Variants in ZNF534 observed in about 807,000 individuals in gnomAD.
ZNF534 encodes KRAB domain only 3.
ZNF534 carries 19 observed loss-of-function variants against 13.6 expected under a neutral mutation model. The observed-to-expected ratio is 1.40, with a 90% CI of 0.97 to 2.05. The LOEUF is 2.05. Among genes scored for constraint, ZNF534 ranks in the 30% most tolerant of loss-of-function variants. ZNF534 has a pLI of 0.00. For synonymous variants in ZNF534, 244 were observed against 273.8 expected, an observed-to-expected ratio of 0.89 and a Z score of 1.07; for missense variants, 782 against 796.3, an observed-to-expected ratio of 0.98 and a Z score of 0.22.
At chr19:52,445,197 A>ATT (rs3054888), downstream of ZNF534, among the ~76,000 whole-genome samples, 1,549 of 143,266 alleles carry the variant, frequency 0.011, 31 homozygotes, top group African/African-American at 0.038. Flanking sequence ...CACTCAGCTA[A>ATT]TTTTTTTTTT....
At chr19:52,430,150 G>A (rs1253824595) in intron 1 of ZNF534, among the ~76,000 whole-genome samples, 1 of 151,592 alleles carries the variant, frequency 6.6e-6, no homozygotes, top group African/African-American at 2.4e-5. Flanking sequence ...CGAGTAGCTG[G>A]GATTACAGGT....
chr19:52,438,867 C>T lies in ZNF534; in HGVS notation c.1407C>T (p.Asn469=), dbSNP rs370318398. 5.8e-5 allele frequency: 94 copies of T among 1,608,588 alleles called. No individual in the cohort carries two copies. In the African/African-American group the frequency reaches 6.6e-4, roughly 11 times the overall value. The change falls in exon 5 of 5, where the codon AAC becomes AAT. Residue 469 remains asparagine, a synonymous_variant. Coordinates refer to ENST00000433050, the MANE Select transcript of ZNF534 (RefSeq NM_001143938.3). Reference sequence around the variant, plus strand: ...CTGGAGAGAAGCCTTACAAATGTAACGAATGTGGCAAGGTCTTCAGTCAGA... The same window carrying T: ...CTGGAGAGAAGCCTTACAAATGTAATGAATGTGGCAAGGTCTTCAGTCAGA... ...IHTGEKPYKC[N]ECGKVFSQNS...
At position 52,438,182 on chromosome 19, in the gene ZNF534, C is replaced by T; in HGVS notation, c.722C>T (p.Pro241Leu). The change falls in exon 5 of 5, where the codon CCT (proline) becomes CTT (leucine). Residue 241 changes from proline to leucine, a missense_variant. Pro to Leu is a moderately conservative substitution (Grantham distance 98). Transcript: ENST00000433050. Reference protein sequence around the residue: ...QHQRIHTGEKPYKYNECGKVF... With the variant: ...QHQRIHTGEKLYKYNECGKVF... ...CAACGAATCCATACTGGAGAGAAGC[C>T]TTACAAATATAATGAATGTGGCAAA... is the stretch of plus-strand genomic sequence containing the variant. 2.5e-6 allele frequency: 4 copies of T among 1,613,394 alleles called. No individual in the cohort carries two copies. The South Asian group carries it at 4.4e-5, about 18-fold the overall frequency.
chr19:52,451,428 C>G (rs1568451050), exon 5 of ZNF534: 3 of 679,428 alleles, frequency 4.4e-6, no homozygotes, highest in Non-Finnish European at 7.9e-6. Flanking sequence ...CTCGGCCGCG[C>G]AGTGCGGCGC....
downstream of ZNF534, among the ~76,000 whole-genome samples, chr19:52,444,813 C>T (rs1423365962): frequency 2.0e-5 from 3 of 152,116 alleles, no homozygotes; most frequent in African/African-American, 4.8e-5. Context: ...CACCCAGCTC[C>T]TGTACAACCC....
At position 52,439,115 on chromosome 19, in the gene ZNF534, G is replaced by A; in HGVS notation, c.1655G>A (p.Cys552Tyr). The A allele has an allele frequency of 6.3e-7, 1 of 1,595,536 alleles. No homozygotes were observed. The highest frequency in any genetic ancestry group is 8.5e-7 in the Non-Finnish European group (1 of 1,170,416). The change falls in exon 5 of 5, where the codon TGT becomes TAT. Residue 552 changes from cysteine (C) to tyrosine (Y), a missense_variant. Cys to Tyr is a radical substitution (Grantham distance 194). Transcript: ENST00000433050. ...NVHTGEKPYS[C>Y]NECGKVFSRN... ...CATACTGGAGAAAAGCCTTACAGTT[G>A]TAATGAATGTGGCAAGGTCTTCAGT...
intron 2 of ZNF534, among the ~76,000 whole-genome samples, chr19:52,432,085 A>G (rs1027569609): frequency 6.6e-6 from 1 of 151,826 alleles, no homozygotes; most frequent in Non-Finnish European, 1.5e-5. Context: ...ATCAGTTGAA[A>G]TTACATCTAT....
chr19:52,435,463 C>T (rs557167888), intron 4 of ZNF534, among the ~76,000 whole-genome samples: 1 of 151,994 alleles, frequency 6.6e-6, no homozygotes, highest in African/African-American at 2.4e-5. Context: ...GTGGGAAAAC[C>T]AAAGCTGAAA....
chr19:52,451,980 T>G, exon 5 of ZNF534: 1 of 325,688 alleles, frequency 3.1e-6, no homozygotes, highest in Non-Finnish European at 6.2e-6. Context: ...AAGTCATACC[T>G]TTTTCTTAAA....
intron 3 of ZNF534, 152 bp downstream of exon 3, chr19:52,434,233 C>T (rs906836215): frequency 1.0e-5 from 12 of 1,166,730 alleles, no homozygotes; most frequent in African/African-American, 1.5e-5. Flanking sequence ...CAGTGGCTCA[C>T]GCCTGTAATC....
chr19:52,439,076 G>A lies in ZNF534; in HGVS notation c.1616G>A (p.Arg539Gln), dbSNP rs760232152. The change falls in exon 5 of 5, where the codon CGA becomes CAA. Residue 539 changes from arginine to glutamine, a missense_variant. Coordinates refer to ENST00000433050, the MANE Select transcript of ZNF534 (RefSeq NM_001143938.3). Reference sequence around the variant, plus strand: ...TTCCGTCGGAATTCACACCTTGTGCGACATAGGAATGTTCATACTGGAGAA... The same window carrying A: ...TTCCGTCGGAATTCACACCTTGTGCAACATAGGAATGTTCATACTGGAGAA... ...KVFRRNSHLV[R>Q]HRNVHTGEKP... 2.8e-5 allele frequency: 44 copies of A among 1,590,648 alleles called. No individual in the cohort carries two copies. In the South Asian group the frequency reaches 3.7e-4, roughly 13 times the overall value.
intron 3 of ZNF534, 181 bp downstream of exon 3, chr19:52,434,262 G>A (rs557213334): frequency 4.2e-5 from 33 of 793,866 alleles, no homozygotes; most frequent in African/African-American, 3.3e-4. Flanking sequence ...TTGGGAGGCC[G>A]AGGCAAATGG....
At chr19:52,431,137 C>A (rs1483237126) in intron 1 of ZNF534, among the ~76,000 whole-genome samples, 1 of 152,202 alleles carries the variant, frequency 6.6e-6, no homozygotes, top group Non-Finnish European at 1.5e-5. Flanking sequence ...AGGTGGGAGC[C>A]ACCGCACCCG....
chr19:52,432,505 T>C (rs1226027717), intron 2 of ZNF534, among the ~76,000 whole-genome samples: 1 of 152,206 alleles, frequency 6.6e-6, no homozygotes, highest in African/African-American at 2.4e-5. Context: ...TTGGCTTTTG[T>C]TGCTGTACCA....
In ZNF534 at chr19:52,438,553, C is replaced by T. The variant is rs749045275; in HGVS notation, c.1093C>T (p.Arg365Ter). The change falls in exon 5 of 5, where the codon CGA (arginine) becomes TGA (stop). Residue 365 changes from arginine to a stop codon, truncating the protein, a stop_gained. Coordinates refer to ENST00000433050, the MANE Select transcript of ZNF534 (RefSeq NM_001143938.3). LOFTEE classifies it low-confidence loss of function (END_TRUNC). ...TAATGAATGTGGCAAGGGGTTTAGT[C>T]GAATTGCATTCCTTGCAAGGCATCG... is the stretch of plus-strand genomic sequence containing the variant. ...KCNECGKGFS[R>*]IAFLARHRKV... is the part of the protein sequence containing the mutation. The T allele has an allele frequency of 9.5e-6, 15 of 1,580,438 alleles. No individual in the cohort carries two copies. Among genetic ancestry groups the T allele is most frequent in the Admixed American group, 7.4e-5 (4 of 53,946 alleles).
chr19:52,434,665 G>A (rs1282037991), intron 3 of ZNF534, among the ~76,000 whole-genome samples: 1 of 150,138 alleles, frequency 6.7e-6, no homozygotes, highest in African/African-American at 2.5e-5. Flanking sequence ...TGGGAGGCAG[G>A]GGCTGCAGTG....
At chr19:52,433,830 C>G in intron 2 of ZNF534, 125 bp from the exon 3 acceptor site, 1 of 1,040,430 alleles carries the variant, frequency 9.6e-7, no homozygotes, top group Non-Finnish European at 1.5e-6. Context: ...GCTCAAGAAT[C>G]CTTTAATGTG....
rs2059138568 is a variant in ZNF534 at position 52,437,872 on chromosome 19, TC to T, written c.413del (p.Ser138LeufsTer13). 1.9e-6 allele frequency: 3 copies of T among 1,613,664 alleles called. No homozygotes were observed. In the Admixed American group the frequency reaches 5.0e-5, roughly 27 times the overall value. On this transcript the variant is annotated frameshift_variant, in exon 5 of 5. Transcript: ENST00000433050. LOFTEE classifies it low-confidence loss of function (END_TRUNC). The part of the protein sequence containing the change: ...NIYGCKHVEK[S>X]ISDNSSVSPV... ...TTATGGATGTAAGCATGTTGAGAAATCTATCAGTGACAATTCTTCAGTTTCA... is the reference window on the plus strand; with the variant it reads ...TTATGGATGTAAGCATGTTGAGAAATTATCAGTGACAATTCTTCAGTTTCA...
intron 2 of ZNF534, among the ~76,000 whole-genome samples, chr19:52,433,643 GGC>G (rs1407701961): frequency 1.3e-5 from 2 of 152,230 alleles, no homozygotes; most frequent in Non-Finnish European, 2.9e-5. Flanking sequence ...TGGGATTACA[GGC>G]ATGAGCCGCC....
Sources: allele counts gnomAD v4.1 joint callset (sites outside exome capture counted in the v4.1 genomes callset), GRCh38; gene constraint gnomAD v4.1.1; transcripts MANE v1.5; gene names NCBI Gene and HGNC (gene_info 2026-07-23, HGNC 2026-07-21).